Variants in MTMR6 observed in about 807,000 individuals in gnomAD.
MTMR6 encodes myotubularin related protein 6.
MTMR6 carries 47 observed loss-of-function variants against 80.1 expected under a neutral mutation model. That is an observed-to-expected ratio of 0.59 (90% CI 0.46 to 0.75). The LOEUF is 0.75. Ranked by LOEUF, MTMR6 falls within the 30% of genes least tolerant of loss-of-function variation. MTMR6 has a pLI of 0.00. For missense variants in MTMR6, 629 were observed against 730.9 expected (o/e 0.86, Z 1.61); for synonymous variants, 254 against 253.0 (o/e 1.00, Z -0.04).
intron 1 of MTMR6, among the ~76,000 whole-genome samples, chr13:25,275,335 T>C (rs1957695441): frequency 6.6e-6 from 1 of 151,846 alleles, no homozygotes; most frequent in South Asian, 2.1e-4. Context: ...GGCAGGAGAA[T>C]TGCTTGAACC....
chr13:25,280,091 A>G (rs1045240537), intron 1 of MTMR6, among the ~76,000 whole-genome samples: 2 of 152,178 alleles, frequency 1.3e-5, no homozygotes, highest in African/African-American at 4.8e-5. Context: ...TAATAACAAA[A>G]CTGATAACGG....
rs1957491116 is a variant in MTMR6, at chr13:25,267,816, A to G, written c.267T>C (p.His89=). The G allele has an allele frequency of 6.2e-7, 1 of 1,613,616 alleles. No individual in the cohort carries two copies. Among genetic ancestry groups the G allele is most frequent in the African/African-American group, 1.3e-5 (1 of 74,926 alleles). ...HFIVPRERDC[H]DIYNSLLQLS... is the part of the protein sequence containing the mutation. ...GTTGTAGCAAAGAGTTGTAAATATC[A>G]TGGCAATCTCTTTCTCTGGGAACAA... The change falls in exon 3 of 14, where the codon CAT becomes CAC. Residue 89 remains histidine (H), a synonymous_variant. Coordinates refer to ENST00000381801, the MANE Select transcript of MTMR6 (RefSeq NM_004685.5).
chr13:25,269,046 C>G (rs1268127497), intron 2 of MTMR6, among the ~76,000 whole-genome samples: 1 of 152,188 alleles, frequency 6.6e-6, no homozygotes, highest in Non-Finnish European at 1.5e-5. Flanking sequence ...TGGGGCGGTA[C>G]TGACACACCA....
At position 25,247,884 on chromosome 13, in the gene MTMR6, C is replaced by A. The variant is rs1957012308; in HGVS notation, c.*1348G>T. ...CCTAATACTCGAATTGTACTTCATG[C>A]CACCATGTTATTTAAATTTTCAATT... On this transcript the variant is annotated 3_prime_UTR_variant, in exon 14 of 14. Coordinates refer to ENST00000381801, the MANE Select transcript of MTMR6 (RefSeq NM_004685.5). 1 of 152,090 alleles carries A rather than the reference C, an allele frequency of 6.6e-6. No homozygotes were observed. The highest frequency in any genetic ancestry group is 1.5e-5 in the Non-Finnish European group (1 of 67,954). 9.4% of individuals were successfully genotyped at this position (152,090 alleles called of 1,614,324 possible).
At chr13:25,263,614 C>T (rs1240583227) in intron 5 of MTMR6, among the ~76,000 whole-genome samples, 2 of 152,144 alleles carry the variant, frequency 1.3e-5, no homozygotes, top group East Asian at 1.9e-4. Context: ...AAGCCAGGCA[C>T]GGTGGCTCAC....
chr13:25,266,215 G>A lies in MTMR6; in HGVS notation c.376C>T (p.Gln126Ter). 1 of 1,613,912 alleles carries A rather than the reference G, an allele frequency of 6.2e-7. No homozygotes were observed. The highest frequency in any genetic ancestry group is 8.5e-7 in the Non-Finnish European group (1 of 1,179,800). Residue 126 changes from glutamine to a stop codon, truncating the protein, a stop_gained, in exon 4 of 14, where the codon CAG (glutamine) becomes TAG (stop). Transcript: ENST00000381801. LOFTEE classifies it high-confidence loss of function. ...TATTCCTCAGCGAGATCAATGAGCT[G>A]CCAGCCTTGTAGTCGTTCTGAATCA... The part of the protein sequence containing the change: ...QNDSERLQGW[Q>*]LIDLAEEYKR...
chr13:25,249,700 ATATT>A (rs1363788598), intron 13 of MTMR6, among the ~76,000 whole-genome samples: 4 of 152,186 alleles, frequency 2.6e-5, no homozygotes, highest in African/African-American at 7.2e-5. Context: ...GTTAGTTTTT[ATATT>A]TATTAAACAA....
In MTMR6 at chr13:25,287,254, G is replaced by A; in HGVS notation, c.-7C>T. The A allele has an allele frequency of 6.3e-7, 1 of 1,593,344 alleles. No homozygotes were observed. The highest frequency in any genetic ancestry group is 8.5e-7 in the Non-Finnish European group (1 of 1,172,608). On this transcript the variant is annotated 5_prime_UTR_variant, in exon 1 of 14. Coordinates refer to ENST00000381801, the MANE Select transcript of MTMR6 (RefSeq NM_004685.5). The stretch of plus-strand genomic sequence containing the variant: ...TCGTCCGGATATGCTCCATCGCAAG[G>A]AGACGTCAGCCGGCAGCCGGTCTCA...
At chr13:25,286,388 A>C (rs1957954663) in intron 1 of MTMR6, among the ~76,000 whole-genome samples, 2 of 152,214 alleles carry the variant, frequency 1.3e-5, no homozygotes, top group African/African-American at 2.4e-5. Flanking sequence ...CAGTGATTTT[A>C]AAATGTTATT....
rs1369978743 is a variant in MTMR6 at position 25,246,965 on chromosome 13, G to A, written c.*2267C>T. 1 of 152,192 alleles carries A rather than the reference G, an allele frequency of 6.6e-6. No individual in the cohort carries two copies. Among genetic ancestry groups the A allele is most frequent in the Non-Finnish European group, 1.5e-5 (1 of 68,032 alleles). The allele number at this position is 152,192 out of a possible 1,614,324, so 9.4% of individuals were successfully genotyped here. On this transcript the variant is annotated 3_prime_UTR_variant, in exon 14 of 14. Coordinates refer to ENST00000381801, the MANE Select transcript of MTMR6 (RefSeq NM_004685.5). Reference sequence around the variant, plus strand: ...CTCAATGGACCCTGCCTTCCATCAAGTTGGCAAGGGCACAAAAAAATAGTG... The same window carrying A: ...CTCAATGGACCCTGCCTTCCATCAAATTGGCAAGGGCACAAAAAAATAGTG...
chr13:25,252,055 A>G, intron 11 of MTMR6, 71 bp from the exon 12 acceptor site: 2 of 1,509,534 alleles, frequency 1.3e-6, no homozygotes, highest in African/African-American at 1.4e-5. Context: ...ATTCATTTTT[A>G]TAAATCAGGC....
chr13:25,283,786 T>C (rs1349718884), intron 1 of MTMR6, among the ~76,000 whole-genome samples: 1 of 152,214 alleles, frequency 6.6e-6, no homozygotes, highest in East Asian at 1.9e-4. Context: ...TCAGCCAAAG[T>C]ACTGGCAGGG....
chr13:25,258,800 G>T, intron 6 of MTMR6, 108 bp from the exon 7 acceptor site: 1 of 947,406 alleles, frequency 1.1e-6, no homozygotes, highest in South Asian at 2.3e-5. Flanking sequence ...CAGTTTAAAG[G>T]AACTCATCAA....
At chr13:25,252,697 TAAGAA>T (rs1957116843) in intron 11 of MTMR6, among the ~76,000 whole-genome samples, 1 of 151,508 alleles carries the variant, frequency 6.6e-6, no homozygotes, top group Non-Finnish European at 1.5e-5. Flanking sequence ...TGGCACTAAT[TAAGAA>T]TAGTTTTTCC....
At chr13:25,283,486 T>C (rs1957901209) in intron 1 of MTMR6, among the ~76,000 whole-genome samples, 1 of 152,220 alleles carries the variant, frequency 6.6e-6, no homozygotes, top group Non-Finnish European at 1.5e-5. Flanking sequence ...TCCATTCTTA[T>C]TTTTATATCT....
chr13:25,263,824 T>G (rs1001075622), intron 5 of MTMR6, among the ~76,000 whole-genome samples: 1 of 152,094 alleles, frequency 6.6e-6, no homozygotes, highest in African/African-American at 2.4e-5. Context: ...AGGCGGAGGT[T>G]GCAGTGAGCC....
rs185180622 is a variant in MTMR6, at chr13:25,275,875, G to A, written c.25-1688C>T. On this transcript the variant is annotated intron_variant, in intron 1 of 13. Transcript: ENST00000381801. ...AAACTCCGTCTCAAAAAAGAAGGGA[G>A]GGGAGGGGAGGGGAGGGGAGAGGAG... is the stretch of plus-strand genomic sequence containing the variant. Among the ~76,000 whole-genome samples, 620 of 139,940 alleles carry A rather than the reference G, an allele frequency of 4.4e-3. 28 individuals carry two copies. The East Asian group carries it at 0.083, about 19-fold the overall frequency. 91.8% of individuals were successfully genotyped at this position (139,940 alleles called of 152,430 possible).
chr13:25,281,821 G>C (rs997403586), intron 1 of MTMR6, among the ~76,000 whole-genome samples: 2 of 152,194 alleles, frequency 1.3e-5, no homozygotes, highest in African/African-American at 4.8e-5. Context: ...TTCTGTTCAT[G>C]TATCCCAATT....
Position 25,266,176 on chromosome 13 carries a change from C to T in MTMR6, c.415G>A (p.Val139Met). The part of the protein sequence containing the change: ...DLAEEYKRMG[V>M]PNSHWQLSDA... Reference sequence around the variant, plus strand: ...GACAACTGCCAGTGTGAGTTTGGCACTCCCATCCTCTTATATTCCTCAGCG... The same window carrying T: ...GACAACTGCCAGTGTGAGTTTGGCATTCCCATCCTCTTATATTCCTCAGCG... The change falls in exon 4 of 14, where the codon GTG becomes ATG. Residue 139 changes from valine to methionine, a missense_variant. Transcript: ENST00000381801. The T allele has an allele frequency of 6.2e-7, 1 of 1,614,110 alleles. No homozygotes were observed. The highest frequency in any genetic ancestry group is 1.1e-5 in the South Asian group (1 of 91,054).
Sources: allele counts gnomAD v4.1 joint callset (sites outside exome capture counted in the v4.1 genomes callset), GRCh38; gene constraint gnomAD v4.1.1; transcripts MANE v1.5; gene names NCBI Gene and HGNC (gene_info 2026-07-23, HGNC 2026-07-21).